PTPN18: variants seen among roughly 807,000 people sequenced by gnomAD.
PTPN18 encodes the protein protein tyrosine phosphatase non-receptor type 18, also known as tyrosine-protein phosphatase non-receptor type 18.
In PTPN18, 65 loss-of-function variants were observed where a neutral mutation model predicts 65.4. The ratio of observed to expected loss-of-function variants is 0.99; its 90% confidence interval spans 0.81 to 1.22. The LOEUF (loss-of-function observed/expected upper bound fraction) is 1.22. Among genes scored for constraint, PTPN18 ranks in the 50% most tolerant of loss-of-function variants. PTPN18 has a pLI of 0.00. For synonymous variants in PTPN18, 255 were observed against 267.8 expected (o/e 0.95, Z 0.47); for missense variants, 616 against 646.5 (o/e 0.95, Z 0.51).
Position 130,371,444 on chromosome 2 carries a change from A to G in PTPN18, c.1013+157A>G, listed in dbSNP as rs374757642. On this transcript the variant is annotated intron_variant, in intron 12 of 14. Coordinates refer to ENST00000175756, the MANE Select transcript of PTPN18 (RefSeq NM_014369.4). ...TGGGAACCCACCCCAAGATGATTCA[A>G]TTATCCCAAGATGATTCATTTACCC... 81 of 648,722 alleles carry G rather than the reference A, an allele frequency of 1.2e-4. 2 individuals are homozygous for G. The South Asian group carries it at 1.4e-3, about 11-fold the overall frequency. The allele number at this position is 648,722 out of a possible 1,614,324, so 40.2% of individuals were successfully genotyped here.
At position 130,373,074 on chromosome 2, in the gene PTPN18, C is replaced by T; in HGVS notation, c.1316-83C>T. On this transcript the variant is annotated intron_variant, in intron 14 of 14. Coordinates refer to ENST00000175756, the MANE Select transcript of PTPN18 (RefSeq NM_014369.4). This position sits in a 1 kb window ranked among gnomAD's most constrained non-coding sequence, Gnocchi z 4.1. The stretch of plus-strand genomic sequence containing the variant: ...GCAGTGAACCAGGAGGACCTGGAGG[C>T]GGGGGGATGGCCTTCTTCATGTCTG... The T allele has an allele frequency of 3.3e-6, 5 of 1,537,844 alleles. No homozygotes were observed. Among genetic ancestry groups the T allele is most frequent in the East Asian group, 2.3e-5 (1 of 43,792 alleles).
intron 12 of PTPN18, chr2:130,371,884 G>T (rs1680575212): frequency 4.3e-6 from 1 of 233,582 alleles, no homozygotes; most frequent in Non-Finnish European, 8.3e-6. Context: ...CACGTTGGGT[G>T]CTGCGGACAT....
intron 5 of PTPN18, among the ~76,000 whole-genome samples, chr2:130,361,563 TTTCCTTTCTTTCCTTTCTTTC>T (rs1680213603): frequency 8.0e-6 from 1 of 125,742 alleles, no homozygotes; most frequent in African/African-American, 3.1e-5. Context: ...TCTTTCTTTC[TTTCCTTTCTTTCCTTTCTTTC>T]CTTTCTTTCT....
At chr2:130,368,315 T>C (rs1402635803) in intron 5 of PTPN18, among the ~76,000 whole-genome samples, 1 of 152,228 alleles carries the variant, frequency 6.6e-6, no homozygotes, top group Non-Finnish European at 1.5e-5. Context: ...CACAGGTAAG[T>C]GTTGGATTGT....
intron 5 of PTPN18, among the ~76,000 whole-genome samples, chr2:130,368,083 T>A (rs1302581761): frequency 6.6e-6 from 1 of 152,250 alleles, no homozygotes; most frequent in Non-Finnish European, 1.5e-5. Context: ...CCATTCAGGT[T>A]ATTTTTTGTA....
chr2:130,367,651 G>A (rs1054815995), intron 5 of PTPN18, among the ~76,000 whole-genome samples: 9 of 152,012 alleles, frequency 5.9e-5, no homozygotes, highest in Admixed American at 5.2e-4. Flanking sequence ...GCCAAGCCTG[G>A]GTGACAGAGC....
At position 130,373,944 on chromosome 2, in the gene PTPN18, AACAGATAC is replaced by A. The variant is rs1680659293; in HGVS notation, c.*726_*733del. 1 of 152,758 alleles carries A rather than the reference AACAGATAC, an allele frequency of 6.5e-6. No individual in the cohort carries two copies. The highest frequency in any genetic ancestry group is 2.4e-5 in the African/African-American group (1 of 41,406). The allele number at this position is 152,758 out of a possible 1,614,324, so 9.5% of individuals were successfully genotyped here. On this transcript the variant is annotated 3_prime_UTR_variant, in exon 15 of 15. Transcript: ENST00000175756. This position sits in a 1 kb window ranked among gnomAD's most constrained non-coding sequence, Gnocchi z 4.1. Reference sequence around the variant, plus strand: ...ACAGATATAAACAGATCCCCTGCTGAACAGATACACAGAGTTCTCAGACCCCACCCCCA... The same window carrying A: ...ACAGATATAAACAGATCCCCTGCTGAACAGAGTTCTCAGACCCCACCCCCA...
At chr2:130,356,284 C>A in intron 1 of PTPN18, 84 bp downstream of exon 1, 1 of 1,055,350 alleles carries the variant, frequency 9.5e-7, no homozygotes, top group Non-Finnish European at 1.3e-6. Flanking sequence ...CGGGCTCTGC[C>A]TTTCTGTCTC....
rs748057879 is a variant in PTPN18 at position 130,370,779 on chromosome 2, A to G, written c.831A>G (p.Thr277=). 1 of 1,614,046 alleles carries G rather than the reference A, an allele frequency of 6.2e-7. No homozygotes were observed. Among genetic ancestry groups the G allele is most frequent in the Non-Finnish European group, 8.5e-7 (1 of 1,179,886 alleles). Residue 277 remains threonine (T), a synonymous_variant, in exon 10 of 15, where the codon ACA becomes ACG. Coordinates refer to ENST00000175756, the MANE Select transcript of PTPN18 (RefSeq NM_014369.4). ...AGCAGCGGCCTGCGGCCGTGCAGAC[A>G]GAGGTGAACCCTGGGTCTCCTAATC... ...MRKQRPAAVQ[T]EEQYRFLYHT...
rs1256611880 is a variant in PTPN18 at position 130,372,242 on chromosome 2, C to A, written c.1014-15C>A. 6.4e-7 allele frequency: 1 copy of A among 1,568,502 alleles called. No homozygotes were observed. Among genetic ancestry groups the A allele is most frequent in the Non-Finnish European group, 8.6e-7 (1 of 1,165,568 alleles). On this transcript the variant is annotated splice_polypyrimidine_tract_variant and intron_variant, in intron 12 of 14. Transcript: ENST00000175756. ...CGCCGCCGTTTCACTTCCTCCCGGC[C>A]CTCCCTGCCTGCAGGAGCATCTCTG... is the stretch of plus-strand genomic sequence containing the variant.
intron 8 of PTPN18, 40 bp downstream of exon 8, chr2:130,370,230 G>A (rs761988335): frequency 2.5e-6 from 4 of 1,603,792 alleles, no homozygotes; most frequent in East Asian, 2.2e-5. Context: ...GTGAGGCAGA[G>A]GGGACAGAGC....
At chr2:130,359,824 T>C in intron 5 of PTPN18, 178 bp downstream of exon 5, 1 of 753,040 alleles carries the variant, frequency 1.3e-6, no homozygotes, top group Non-Finnish European at 2.2e-6. Flanking sequence ...CATCCCCCAG[T>C]GTTGGCAACC....
intron 5 of PTPN18, among the ~76,000 whole-genome samples, chr2:130,365,478 G>A (rs1680351807): frequency 6.6e-6 from 1 of 152,168 alleles, no homozygotes; most frequent in Non-Finnish European, 1.5e-5. Context: ...GCGTTATTCT[G>A]TATATAAGTC....
At chr2:130,358,653 A>T (rs529299643) in intron 1 of PTPN18, among the ~76,000 whole-genome samples, 1 of 152,292 alleles carries the variant, frequency 6.6e-6, no homozygotes, top group East Asian at 1.9e-4. Flanking sequence ...TGATGATTAC[A>T]TGCCCTTAGC....
chr2:130,362,928 T>TCCTG (rs1360672652), intron 5 of PTPN18, among the ~76,000 whole-genome samples: 1 of 151,958 alleles, frequency 6.6e-6, no homozygotes, highest in East Asian at 2.0e-4. Context: ...CACGCCATTC[T>TCCTG]CCTGCCTCAG....
In PTPN18 at chr2:130,371,305, C is replaced by T. The variant is rs908092761; in HGVS notation, c.1013+18C>T. 1.3e-5 allele frequency: 20 copies of T among 1,544,238 alleles called. No homozygotes were observed. The Middle Eastern group carries it at 5.1e-4, about 39-fold the overall frequency. On this transcript the variant is annotated intron_variant, in intron 12 of 14. Transcript: ENST00000175756. ...GTCCTCAGGTACCCGGCTCCATCCC[C>T]GGATTCTTCCCTGCCCAATTTCTCA...
chr2:130,371,370 CT>C (rs1680560961), intron 12 of PTPN18, 83 bp downstream of exon 12: 1 of 1,217,652 alleles, frequency 8.2e-7, no homozygotes, highest in African/African-American at 1.5e-5. Context: ...CAGTCCGTTC[CT>C]TGTTCACTTC....
rs10171496 is a variant in PTPN18 at position 130,372,044 on chromosome 2, C to T, written c.1014-213C>T. 1,358 of 524,274 alleles carry T rather than the reference C, an allele frequency of 2.6e-3. 17 individuals carry two copies. Among genetic ancestry groups the T allele is most frequent in the African/African-American group, 0.023 (1,128 of 49,422 alleles). 32.5% of individuals were successfully genotyped at this position (524,274 alleles called of 1,614,324 possible). On this transcript the variant is annotated intron_variant, in intron 12 of 14. Transcript: ENST00000175756. The stretch of plus-strand genomic sequence containing the variant: ...CAAACCAACACTCTGCCCCAAATTA[C>T]CCTCCAGGCTGACCCCGTTCCTCCT...
In PTPN18 at chr2:130,359,199, C is replaced by G. The variant is rs1252448372; in HGVS notation, c.203-34C>G. On this transcript the variant is annotated intron_variant, in intron 2 of 14. Transcript: ENST00000175756. ...AGAGGCTCCGTCACCCTATCCTACCCAAACTCCACGTTTCTCACCTTATCT... is the reference window on the plus strand; with the variant it reads ...AGAGGCTCCGTCACCCTATCCTACCGAAACTCCACGTTTCTCACCTTATCT... The G allele has an allele frequency of 8.7e-6, 14 of 1,612,374 alleles. No homozygotes were observed. In the South Asian group the frequency reaches 1.4e-4, roughly 16 times the overall value.
Sources: allele counts gnomAD v4.1 joint callset (sites outside exome capture counted in the v4.1 genomes callset), GRCh38; gene constraint gnomAD v4.1.1; non-coding constraint Gnocchi (gnomAD v3.1); transcripts MANE v1.5; gene names NCBI Gene and HGNC (gene_info 2026-07-23, HGNC 2026-07-21).